Variants in CALD1 observed in about 807,000 individuals in gnomAD.
CALD1 encodes the protein caldesmon.
A neutral mutation model predicts 99.9 loss-of-function variants in CALD1; 33 were observed. That is an observed-to-expected ratio of 0.33 (90% confidence interval 0.25 to 0.44). The LOEUF (loss-of-function observed/expected upper bound fraction) is 0.44. Ranked by LOEUF, CALD1 falls within the 20% of genes least tolerant of loss-of-function variation. The pLI, the probability that CALD1 is intolerant of heterozygous loss-of-function variation, is 1.00. For synonymous variants in CALD1, 310 were observed against 325.0 expected (o/e 0.95, Z 0.50); for missense variants, 861 against 962.1 (o/e 0.89, Z 1.39).
At chr7:134,728,845 CTTTTTT>C in the CALD1 span, among the ~76,000 whole-genome samples, 25,669 of 124,974 alleles carry the variant, frequency 0.21, 2,544 homozygotes, top group African/African-American at 0.3. Flanking sequence ...TATACCTTTT[CTTTTTT>C]TTTTTTTTTT....
chr7:134,726,130 A>G, the CALD1 span, among the ~76,000 whole-genome samples: 77,196 of 151,612 alleles, frequency 0.51, 20,645 homozygotes, highest in East Asian at 0.81. Context: ...ACCATTATTC[A>G]GCACCTAACA....
intron 3 of CALD1, among the ~76,000 whole-genome samples, chr7:134,909,547 G>A (rs1451977551): frequency 1.3e-5 from 2 of 152,338 alleles, no homozygotes; most frequent in African/African-American, 2.4e-5. Context: ...GCTGGGCATG[G>A]TGGCAGGCAC....
the CALD1 span, among the ~76,000 whole-genome samples, chr7:134,730,424 C>T: frequency 1.6e-4 from 25 of 152,254 alleles, no homozygotes; most frequent in South Asian, 5.0e-3. Context: ...CATGTAAGGA[C>T]CCCAACTTCC....
chr7:134,912,150 A>G lies in CALD1; in HGVS notation c.72-16604A>G, dbSNP rs191345729. On this transcript the variant is annotated intron_variant, in intron 3 of 14. Coordinates refer to ENST00000361675, the MANE Select transcript of CALD1 (RefSeq NM_033138.4). ...GTTCGTTATGCTTTCTGGCACGAGC[A>G]CCTCCCCTCAATTTCCGACCCCATG... 6.6e-5 allele frequency among the ~76,000 whole-genome samples: 10 copies of G among 152,260 alleles called. No individual in the cohort carries two copies. The East Asian group carries it at 1.7e-3, about 26-fold the overall frequency.
chr7:134,895,032 G>T (rs185406893), intron 3 of CALD1, among the ~76,000 whole-genome samples: 1 of 151,890 alleles, frequency 6.6e-6, no homozygotes, highest in South Asian at 2.1e-4. Flanking sequence ...TCAAGGAAAC[G>T]TAGGAAATTA....
chr7:134,722,142 G>T, the CALD1 span, among the ~76,000 whole-genome samples: 1 of 152,164 alleles, frequency 6.6e-6, no homozygotes. Context: ...CAGACACCTT[G>T]CCGGTTATTC....
intron 3 of CALD1, among the ~76,000 whole-genome samples, chr7:134,878,328 G>A (rs560766388): frequency 3.3e-5 from 5 of 152,264 alleles, no homozygotes; most frequent in South Asian, 2.1e-4. Flanking sequence ...CAGCACTTTG[G>A]GAGGCTGAGG....
intron 1 of CALD1, among the ~76,000 whole-genome samples, chr7:134,818,385 A>G (rs573848711): frequency 6.6e-6 from 1 of 152,336 alleles, no homozygotes; most frequent in African/African-American, 2.4e-5. Flanking sequence ...ACAAAAGGAA[A>G]AGTAAATTGC....
At chr7:134,831,129 T>A (rs1247108488) in intron 1 of CALD1, among the ~76,000 whole-genome samples, 1 of 152,218 alleles carries the variant, frequency 6.6e-6, no homozygotes, top group Non-Finnish European at 1.5e-5. Context: ...AAAGTTATCA[T>A]GTTTTAAAAA....
At position 134,891,785 on chromosome 7, in the gene CALD1, G is replaced by A. The variant is rs562945349; in HGVS notation, c.71+23981G>A. ...AAAAAAAAATGTGGGAGTGGGAGGG[G>A]AGAGGAGGAGACACCAGGCAGGAAA... On this transcript the variant is annotated intron_variant, in intron 3 of 14. Coordinates refer to ENST00000361675, the MANE Select transcript of CALD1 (RefSeq NM_033138.4). 263 of 782,318 alleles carry A rather than the reference G, an allele frequency of 3.4e-4. 4 individuals carry two copies. In the South Asian group the frequency reaches 5.0e-3, roughly 15 times the overall value. The allele number at this position is 782,318 out of a possible 1,614,324, so 48.5% of individuals were successfully genotyped here.
chr7:134,957,149 A>G (rs1037380281), intron 9 of CALD1, among the ~76,000 whole-genome samples: 2 of 152,132 alleles, frequency 1.3e-5, no homozygotes, highest in Non-Finnish European at 2.9e-5. Context: ...CCCCATCCTC[A>G]TTCTACCTGT....
chr7:134,868,532 A>T (rs1040288877), intron 3 of CALD1, among the ~76,000 whole-genome samples: 13 of 152,252 alleles, frequency 8.5e-5, no homozygotes, highest in Admixed American at 2.0e-4. Flanking sequence ...ATTCACAGAG[A>T]GAAAAATGTT....
rs147261911 is a variant in CALD1, at chr7:134,901,411, C to T, written c.72-27343C>T. On this transcript the variant is annotated intron_variant, in intron 3 of 14. Coordinates refer to ENST00000361675, the MANE Select transcript of CALD1 (RefSeq NM_033138.4). ...GCTAGCACAGTGCCTGGTGCTTACTCAGTGCTCAAGGGGTGGGAATGGGGG... is the reference window on the plus strand; with the variant it reads ...GCTAGCACAGTGCCTGGTGCTTACTTAGTGCTCAAGGGGTGGGAATGGGGG... Among the ~76,000 whole-genome samples the T allele has an allele frequency of 1.6e-3, 239 of 152,124 alleles. 4 individuals carry two copies. The highest frequency in any genetic ancestry group is 2.9e-3 in the Non-Finnish European group (199 of 68,006).
At chr7:134,897,861 C>A (rs1299204539) in intron 3 of CALD1, among the ~76,000 whole-genome samples, 3 of 152,070 alleles carry the variant, frequency 2.0e-5, no homozygotes, top group African/African-American at 7.2e-5. Context: ...TGTGTGCCAC[C>A]ATGCCCTGAT....
In CALD1 at chr7:134,946,847, A is replaced by ATT. The variant is rs543778930; in HGVS notation, c.1533-649_1533-648dup. 2.2e-3 allele frequency among the ~76,000 whole-genome samples: 311 copies of ATT among 144,030 alleles called. 2 individuals are homozygous for ATT. Among genetic ancestry groups the ATT allele is most frequent in the South Asian group, 3.8e-3 (17 of 4,506 alleles). 94.5% of individuals were successfully genotyped at this position (144,030 alleles called of 152,430 possible). ...AGGCACACGCCGCCACGCCCGGCTAATTTTTTTTTTTTTGTATTTTAGTAG... is the reference window on the plus strand; with the variant it reads ...AGGCACACGCCGCCACGCCCGGCTAATTTTTTTTTTTTTTTGTATTTTAGTAG... On this transcript the variant is annotated intron_variant, in intron 7 of 14. Transcript: ENST00000361675.
chr7:134,948,514 C>T (rs560232614), intron 8 of CALD1, among the ~76,000 whole-genome samples: 5 of 152,270 alleles, frequency 3.3e-5, no homozygotes, highest in African/African-American at 1.2e-4. Context: ...TCCTGAGGTA[C>T]ATCGTTCTCA....
chr7:134,913,103 A>T (rs1038357992), intron 3 of CALD1, among the ~76,000 whole-genome samples: 4 of 151,984 alleles, frequency 2.6e-5, no homozygotes, highest in Non-Finnish European at 5.9e-5. Flanking sequence ...CGTCTCTACT[A>T]AAAAAATACA....
At chr7:134,962,058 C>A (rs1370889373) in intron 13 of CALD1, 1 of 152,114 alleles carries the variant, frequency 6.6e-6, no homozygotes, top group Non-Finnish European at 1.5e-5. Flanking sequence ...AGAGAAAGAT[C>A]TATGTTTCCC....
chr7:134,815,272 A>G (rs1218756545), intron 1 of CALD1, among the ~76,000 whole-genome samples: 2 of 152,192 alleles, frequency 1.3e-5, no homozygotes, highest in Non-Finnish European at 2.9e-5. Context: ...AGCAACTATC[A>G]AATTGCTTGT....
Sources: allele counts gnomAD v4.1 joint callset (sites outside exome capture counted in the v4.1 genomes callset), GRCh38; gene constraint gnomAD v4.1.1; transcripts MANE v1.5; gene names NCBI Gene and HGNC (gene_info 2026-07-23, HGNC 2026-07-21).